IGSF9: variants seen among roughly 807,000 people sequenced by gnomAD.
IGSF9 encodes protein turtle homolog A.
In IGSF9, 87 loss-of-function variants were observed where a neutral mutation model predicts 121.7. That is an observed-to-expected ratio of 0.71 (90% CI 0.60 to 0.85). The LOEUF is 0.85. Ranked by LOEUF, IGSF9 falls within the 40% of genes least tolerant of loss-of-function variation. The probability of loss-of-function intolerance (pLI) is 0.00; values close to 1 mark genes in which losing one functional copy is unlikely to be tolerated. For missense variants in IGSF9, 1,462 were observed against 1,565.3 expected (o/e 0.93, Z 1.11); for synonymous variants, 640 against 648.4 (o/e 0.99, Z 0.20).
chr1:159,943,702 A>C, intron 1 of IGSF9, 74 bp from the exon 2 acceptor site: 1 of 397,570 alleles, frequency 2.5e-6, no homozygotes. Context: ...CCATTAGAGA[A>C]AGGCACTGGG....
chr1:159,937,859 C>G, intron 3 of IGSF9, 21 bp from the exon 4 acceptor site: 1 of 1,609,466 alleles, frequency 6.2e-7, no homozygotes. Context: ...AGCCCTGAAT[C>G]AAGGGTGCTG....
chr1:159,939,120 T>G (rs1259254438), intron 3 of IGSF9, among the ~76,000 whole-genome samples: 2 of 152,194 alleles, frequency 1.3e-5, no homozygotes, highest in Non-Finnish European at 2.9e-5. Context: ...CTGTGGCATG[T>G]CTCACCTGGG....
Position 159,929,032 on chromosome 1 carries a change from G to C in IGSF9, c.2370-14C>G. On this transcript the variant is annotated splice_polypyrimidine_tract_variant and intron_variant, in intron 18 of 20. Transcript: ENST00000368094. ...CCCAGAGCAGAGCTGGGGAAGGACA[G>C]GAGATCAGGGTCTGTGGTAGGGGCA... 6.6e-7 allele frequency: 1 copy of C among 1,512,772 alleles called. No homozygotes were observed. The highest frequency in any genetic ancestry group is 8.8e-7 in the Non-Finnish European group (1 of 1,132,464). 93.7% of individuals were successfully genotyped at this position (1,512,772 alleles called of 1,614,324 possible). A position where few individuals can be genotyped will look rare whatever the true frequency, so the allele number is the denominator to read the frequency against.
chr1:159,927,247 C>A lies in IGSF9; in HGVS notation c.*98G>T, dbSNP rs1444096470. ...GGTCTGTGCCTGGGCACCAAAGGGG[C>A]AGGCAGGGGCAGTGCCCTCGTTTGA... On this transcript the variant is annotated 3_prime_UTR_variant, in exon 21 of 21. Coordinates refer to ENST00000368094, the MANE Select transcript of IGSF9 (RefSeq NM_001135050.2). The A allele has an allele frequency of 1.4e-6, 2 of 1,446,368 alleles. No individual in the cohort carries two copies. Among genetic ancestry groups the A allele is most frequent in the African/African-American group, 2.8e-5 (2 of 71,016 alleles). The allele number at this position is 1,446,368 out of a possible 1,614,324, so 89.6% of individuals were successfully genotyped here. A position where few individuals can be genotyped will look rare whatever the true frequency, so the allele number is the denominator to read the frequency against.
chr1:159,936,335 A>T, intron 6 of IGSF9, 64 bp downstream of exon 6: 1 of 1,404,184 alleles, frequency 7.1e-7, no homozygotes, highest in Non-Finnish European at 1.0e-6. Context: ...GAACCAATTC[A>T]GCCACAGGTC....
rs199795049 is a variant in IGSF9, at chr1:159,928,710, C to T, written c.2678G>A (p.Gly893Glu). Residue 893 changes from glycine to glutamate, a missense_variant, in exon 19 of 21, where the codon GGG becomes GAG. Around this residue, in one of 3 missense-constraint regions of IGSF9, gnomAD observed 808 missense variants for 815.2 expected, o/e 0.99. Coordinates refer to ENST00000368094, the MANE Select transcript of IGSF9 (RefSeq NM_001135050.2). ...SFDCSSSSPS[G>E]APQPLCIEDI... Reference sequence around the variant, plus strand: ...TTCAATGCAGAGGGGCTGGGGTGCCCCACTGGGGCTGCTGCTGCTACAGTC... The same window carrying T: ...TTCAATGCAGAGGGGCTGGGGTGCCTCACTGGGGCTGCTGCTGCTACAGTC... The T allele has an allele frequency of 1.9e-4, 286 of 1,476,806 alleles. 2 individuals carry two copies. In the Middle Eastern group the frequency reaches 4.3e-3, roughly 22 times the overall value. The allele number at this position is 1,476,806 out of a possible 1,614,324, so 91.5% of individuals were successfully genotyped here. A position where few individuals can be genotyped will look rare whatever the true frequency, so the allele number is the denominator to read the frequency against.
At position 159,928,370 on chromosome 1, in the gene IGSF9, C is replaced by G. The variant is rs375663674; in HGVS notation, c.3018G>C (p.Glu1006Asp). 1 of 1,609,594 alleles carries G rather than the reference C, an allele frequency of 6.2e-7. No homozygotes were observed. The highest frequency in any genetic ancestry group is 8.5e-7 in the Non-Finnish European group (1 of 1,178,106). Residue 1006 changes from glutamate (E) to aspartate (D), a missense_variant, in exon 19 of 21, where the codon GAG becomes GAC. Glu to Asp is a conservative substitution (Grantham distance 45). Coordinates refer to ENST00000368094, the MANE Select transcript of IGSF9 (RefSeq NM_001135050.2). Reference sequence around the variant, plus strand: ...CAGGGAGAAGGCCTGGCAGCAGCCGCTCCCTCAGTGTCCAGTCAGCCAGGG... The same window carrying G: ...CAGGGAGAAGGCCTGGCAGCAGCCGGTCCCTCAGTGTCCAGTCAGCCAGGG... ...YTALADWTLRERLLPGLLPAA... is the reference protein window; with the variant it reads ...YTALADWTLRDRLLPGLLPAA...
chr1:159,929,016 G>C lies in IGSF9; in HGVS notation c.2372C>G (p.Ser791Cys), dbSNP rs1157752589. 6.6e-7 allele frequency: 1 copy of C among 1,516,828 alleles called. No homozygotes were observed. The highest frequency in any genetic ancestry group is 2.3e-5 in the East Asian group (1 of 43,870). 94.0% of individuals were successfully genotyped at this position (1,516,828 alleles called of 1,614,324 possible). ...FSPTGKSAAP[S>C]ALGSGSPDSV... ...GTCAGGACTGCCTGAGCCCAGAGCAGAGCTGGGGAAGGACAGGAGATCAGG... is the reference window on the plus strand; with the variant it reads ...GTCAGGACTGCCTGAGCCCAGAGCACAGCTGGGGAAGGACAGGAGATCAGG... Residue 791 changes from serine (S) to cysteine (C), a missense_variant and splice_region_variant, in exon 19 of 21, where the codon TCT (serine) becomes TGT (cysteine). Physicochemically the swap from Ser to Cys is moderately radical, Grantham distance 112. Coordinates refer to ENST00000368094, the MANE Select transcript of IGSF9 (RefSeq NM_001135050.2).
rs1651250241 is a variant in IGSF9 at position 159,937,849 on chromosome 1, A to C, written c.248-11T>G. On this transcript the variant is annotated splice_polypyrimidine_tract_variant and intron_variant, in intron 3 of 20. Coordinates refer to ENST00000368094, the MANE Select transcript of IGSF9 (RefSeq NM_001135050.2). ...GCAGCCGGACTCGTCCTGGGGGAGGAGCCCTGAATCAAGGGTGCTGAAGGA... is the reference window on the plus strand; with the variant it reads ...GCAGCCGGACTCGTCCTGGGGGAGGCGCCCTGAATCAAGGGTGCTGAAGGA... The C allele has an allele frequency of 1.2e-6, 2 of 1,611,626 alleles. No individual in the cohort carries two copies.
At chr1:159,942,511 C>A (rs1017333986) in intron 3 of IGSF9, among the ~76,000 whole-genome samples, 34 of 152,148 alleles carry the variant, frequency 2.2e-4, no homozygotes, top group Admixed American at 2.1e-3. Context: ...CCTGAACTAG[C>A]ATTTAAGACG....
In IGSF9 at chr1:159,932,419, T is replaced by G; in HGVS notation, c.1245+93A>C. 1.3e-5 allele frequency: 13 copies of G among 1,017,686 alleles called. No individual in the cohort carries two copies. The highest frequency in any genetic ancestry group is 1.6e-5 in the African/African-American group (1 of 61,972). 63.0% of individuals were successfully genotyped at this position (1,017,686 alleles called of 1,614,324 possible). On this transcript the variant is annotated intron_variant, in intron 10 of 20. Coordinates refer to ENST00000368094, the MANE Select transcript of IGSF9 (RefSeq NM_001135050.2). The surrounding 1 kb of genome is among the most constrained non-coding windows in gnomAD (Gnocchi z 4.1). ...ACTTGGAAACCCCTCCCCATGTGTC[T>G]GCCCCACCCCACCCCCATCAGCCTG...
rs373589892 is a variant in IGSF9, at chr1:159,943,069, G to A, written c.141C>T (p.Ala47=). The A allele has an allele frequency of 8.7e-5, 141 of 1,612,684 alleles. 2 individuals carry two copies. The South Asian group carries it at 9.7e-4, about 11-fold the overall frequency. ...VVLGCDLLPP[A]GRPPLHVIEW... ...CGATGACATGCAGGGGGGGCCGGCC[G>A]GCCGGGGGCAGCAGGTCACAGCCCA... Residue 47 remains alanine, a synonymous_variant, in exon 3 of 21, where the codon GCC becomes GCT. Transcript: ENST00000368094.
rs1338160164 is a variant in IGSF9 at position 159,927,780 on chromosome 1, G to C, written c.3338C>G (p.Pro1113Arg). The C allele has an allele frequency of 1.2e-6, 2 of 1,613,734 alleles. No homozygotes were observed. Among genetic ancestry groups the C allele is most frequent in the Middle Eastern group, 1.7e-4 (1 of 6,052 alleles). Residue 1113 changes from proline to arginine, a missense_variant, in exon 20 of 21, where the codon CCT becomes CGT. By Grantham distance (103) the Pro-to-Arg change is moderately radical. Coordinates refer to ENST00000368094, the MANE Select transcript of IGSF9 (RefSeq NM_001135050.2). ...HLGLASSRLR[P>R]EAEPELGVKT... is the part of the protein sequence containing the mutation. ...CACACCTAGCTCTGGCTCAGCTTCA[G>C]GTCTGAGCCGGGAGCTGGCCAAGCC...
Position 159,929,349 on chromosome 1 carries a change from A to T in IGSF9, c.2369+2T>A. On this transcript the variant is annotated splice_donor_variant, in intron 18 of 20. Coordinates refer to ENST00000368094, the MANE Select transcript of IGSF9 (RefSeq NM_001135050.2). LOFTEE classifies it high-confidence loss of function. The stretch of plus-strand genomic sequence containing the variant: ...GAAAGCCAAGGAGGTGGAGGCACTT[A>T]CGGTGCAGCTGACTTCCCGGTCGGA... The T allele has an allele frequency of 1.9e-6, 3 of 1,614,074 alleles. No homozygotes were observed. Among genetic ancestry groups the T allele is most frequent in the Non-Finnish European group, 2.5e-6 (3 of 1,179,908 alleles).
At position 159,929,747 on chromosome 1, in the gene IGSF9, C is replaced by G. The variant is rs756326328; in HGVS notation, c.2217G>C (p.Val739=). The G allele has an allele frequency of 2.0e-5, 32 of 1,604,042 alleles. No homozygotes were observed. Among genetic ancestry groups the G allele is most frequent in the Non-Finnish European group, 8.5e-7 (1 of 1,175,946 alleles). Residue 739 remains valine, a synonymous_variant, in exon 17 of 21, where the codon GTG becomes GTC. Coordinates refer to ENST00000368094, the MANE Select transcript of IGSF9 (RefSeq NM_001135050.2). Reference sequence around the variant, plus strand: ...CTCCCAGAAAGCAGACTCCGCCCACCACGCCGGCCAGCACGGGCTGAGGCA... The same window carrying G: ...CTCCCAGAAAGCAGACTCCGCCCACGACGCCGGCCAGCACGGGCTGAGGCA... The part of the protein sequence containing the change: ...GLLPQPVLAG[V]VGGVCFLGVA...
chr1:159,930,006 G>A, intron 15 of IGSF9, 31 bp from the exon 16 acceptor site: 1 of 1,591,324 alleles, frequency 6.3e-7, no homozygotes, highest in Non-Finnish European at 8.6e-7. Flanking sequence ...CAGGAGGGAG[G>A]TCAGGGCCCA....
chr1:159,933,317 T>C (rs1301279536), intron 9 of IGSF9: 8 of 152,358 alleles, frequency 5.3e-5, no homozygotes, highest in African/African-American at 9.6e-5. Context: ...CAAATTCCAG[T>C]GGCTCCAACT....
rs374598970 is a variant in IGSF9, at chr1:159,934,373, C to T, written c.962-41G>A. The T allele has an allele frequency of 4.3e-5, 68 of 1,568,396 alleles. No homozygotes were observed. The African/African-American group carries it at 7.4e-4, about 17-fold the overall frequency. On this transcript the variant is annotated intron_variant, in intron 8 of 20. Coordinates refer to ENST00000368094, the MANE Select transcript of IGSF9 (RefSeq NM_001135050.2). Reference sequence around the variant, plus strand: ...GGCAAGTTGGGGGAGAGGGGCTTGGCCTGGCCCAGGGGAAGGGAGCAGGCT... The same window carrying T: ...GGCAAGTTGGGGGAGAGGGGCTTGGTCTGGCCCAGGGGAAGGGAGCAGGCT...
In IGSF9 at chr1:159,928,146, G is replaced by A. The variant is rs753468486; in HGVS notation, c.3230+12C>T. On this transcript the variant is annotated intron_variant, in intron 19 of 20. Coordinates refer to ENST00000368094, the MANE Select transcript of IGSF9 (RefSeq NM_001135050.2). ...TGAGGCGGAGGCAGGGATGGGCAGGGACTGCTCTCACCTCTTGCTGACTGT... is the reference window on the plus strand; with the variant it reads ...TGAGGCGGAGGCAGGGATGGGCAGGAACTGCTCTCACCTCTTGCTGACTGT... 4.2e-5 allele frequency: 67 copies of A among 1,602,892 alleles called. No individual in the cohort carries two copies. Among genetic ancestry groups the A allele is most frequent in the East Asian group, 2.0e-4 (9 of 44,888 alleles).
Sources: gnomAD v4.1 joint callset for allele counts (sites outside exome capture counted in the v4.1 genomes callset) on GRCh38, gnomAD v4.1.1 for gene constraint, gnomAD v4.1.1 regional missense constraint, Gnocchi (gnomAD v3.1) non-coding constraint, MANE v1.5 for transcripts, NCBI Gene and HGNC (gene_info 2026-07-23, HGNC 2026-07-21) for gene names.